PTPDC1: variants seen among roughly 807,000 people sequenced by gnomAD.
The protein encoded by PTPDC1 is protein tyrosine phosphatase domain containing 1.
Under a neutral mutation model 75.3 loss-of-function variants are expected in PTPDC1, and 53 were observed. The observed-to-expected ratio is 0.70, with a 90% CI of 0.56 to 0.88. The LOEUF (loss-of-function observed/expected upper bound fraction) is 0.88. Ranked by LOEUF, PTPDC1 falls within the 40% of genes least tolerant of loss-of-function variation. PTPDC1 has a pLI of 0.00. For synonymous variants in PTPDC1, 349 were observed against 366.2 expected, an observed-to-expected ratio of 0.95 and a Z score of 0.54; for missense variants, 925 against 998.6, an observed-to-expected ratio of 0.93 and a Z score of 0.99.
At chr9:94,056,320 A>AT (rs934488727) in intron 1 of PTPDC1, among the ~76,000 whole-genome samples, 7 of 151,690 alleles carry the variant, frequency 4.6e-5, no homozygotes, top group African/African-American at 1.7e-4. Flanking sequence ...TTCCACTCCT[A>AT]TTTTTTGCTA....
intron 2 of PTPDC1, among the ~76,000 whole-genome samples, chr9:94,075,993 T>TTTTG (rs199885554): frequency 2.6e-5 from 4 of 151,868 alleles, no homozygotes; most frequent in East Asian, 1.9e-4. Context: ...TGTGTGTGTG[T>TTTTG]TTTGTTTGTT....
intron 2 of PTPDC1, among the ~76,000 whole-genome samples, chr9:94,067,829 T>G (rs1182652186): frequency 1.3e-5 from 2 of 152,182 alleles, no homozygotes; most frequent in African/African-American, 4.8e-5. Context: ...CTCAAACTCC[T>G]GGCCTCAGGT....
chr9:94,081,071 C>A (rs1826867882), upstream of PTPDC1, among the ~76,000 whole-genome samples: 1 of 143,000 alleles, frequency 7.0e-6, no homozygotes, highest in African/African-American at 2.6e-5. Context: ...CTCACTGCAA[C>A]CTCTGCCTTC....
chr9:94,104,350 G>A lies in PTPDC1; in HGVS notation c.2275G>A (p.Ala759Thr). The A allele has an allele frequency of 6.2e-7, 1 of 1,613,830 alleles. No individual in the cohort carries two copies. ...LQTIPVDVEEAFLAHAIKAFT... is the reference protein window; with the variant it reads ...LQTIPVDVEETFLAHAIKAFT... ...GACAATTCCCGTGGATGTGGAGGAA[G>A]CTTTCCTTGCCCATGCCATTAAGGC... Residue 759 changes from alanine to threonine, a missense_variant, in exon 8 of 9, where the codon GCT (alanine) becomes ACT (threonine). Ala to Thr is a moderately conservative substitution (Grantham distance 58, BLOSUM62 0). Transcript: ENST00000620992.
chr9:94,089,080 T>A (rs1351467595), intron 4 of PTPDC1, among the ~76,000 whole-genome samples: 2 of 149,666 alleles, frequency 1.3e-5, no homozygotes, highest in Admixed American at 6.7e-5. Context: ...TATTTTTTTT[T>A]AATTTTTTTT....
In PTPDC1 at chr9:94,104,379, C is replaced by T. The variant is rs752517965; in HGVS notation, c.2304C>T (p.Phe768=). The T allele has an allele frequency of 3.7e-6, 6 of 1,606,484 alleles. No individual in the cohort carries two copies. The East Asian group carries it at 1.1e-4, about 30-fold the overall frequency. ...EAFLAHAIKA[F]TKVNFDSENG... ...TCCTTGCCCATGCCATTAAGGCATT[C>T]ACTAAGGTGGGTCATACTCTTCCTT... is the stretch of plus-strand genomic sequence containing the variant. The change falls in exon 8 of 9, where the codon TTC becomes TTT. Residue 768 remains phenylalanine, a synonymous_variant. Coordinates refer to ENST00000620992, the MANE Select transcript of PTPDC1 (RefSeq NM_001253829.2).
chr9:94,058,075 G>T (rs924747055), intron 1 of PTPDC1, among the ~76,000 whole-genome samples: 1 of 152,196 alleles, frequency 6.6e-6, no homozygotes, highest in Non-Finnish European at 1.5e-5. Context: ...CTCCCTGGGG[G>T]CAGTTTCCAG....
At chr9:94,049,534 T>A (rs1825721211) in intron 1 of PTPDC1, among the ~76,000 whole-genome samples, 1 of 152,236 alleles carries the variant, frequency 6.6e-6, no homozygotes, top group East Asian at 1.9e-4. Context: ...AAATGTTGAA[T>A]ATCGGCCCCC....
At chr9:94,044,408 C>G (rs1429482374) in intron 1 of PTPDC1, among the ~76,000 whole-genome samples, 1 of 152,148 alleles carries the variant, frequency 6.6e-6, no homozygotes, top group Non-Finnish European at 1.5e-5. Flanking sequence ...ACCCATCACC[C>G]AGGTATTAAG....
intron 8 of PTPDC1, among the ~76,000 whole-genome samples, chr9:94,106,981 T>G (rs550938009): frequency 6.6e-6 from 1 of 151,956 alleles, no homozygotes; most frequent in South Asian, 2.1e-4. Context: ...TGAGACAAGG[T>G]CTCACTCTGT....
chr9:94,079,213 T>C (rs1043599521), intron 2 of PTPDC1, among the ~76,000 whole-genome samples: 1 of 152,208 alleles, frequency 6.6e-6, no homozygotes, highest in African/African-American at 2.4e-5. Flanking sequence ...TTTTTCTTCA[T>C]AGTTTGAAGC....
chr9:94,109,249 G>T lies in PTPDC1; in HGVS notation c.*1305G>T, dbSNP rs1045266325. ...GATAATAGTTCTTCCCAATAAAGGT[G>T]ATATTAATCAGACTAATTTCGAACT... On this transcript the variant is annotated 3_prime_UTR_variant, in exon 9 of 9. Transcript: ENST00000620992. The T allele has an allele frequency of 6.6e-6, 1 of 152,150 alleles. No homozygotes were observed. Among genetic ancestry groups the T allele is most frequent in the African/African-American group, 2.4e-5 (1 of 41,424 alleles). The allele number at this position is 152,150 out of a possible 1,614,324, so 9.4% of individuals were successfully genotyped here.
intron 2 of PTPDC1, among the ~76,000 whole-genome samples, chr9:94,065,126 G>T (rs1288641456): frequency 6.6e-6 from 1 of 152,218 alleles, no homozygotes; most frequent in Non-Finnish European, 1.5e-5. Flanking sequence ...CTTTAATTTT[G>T]TTCTCCTTTC....
intron 1 of PTPDC1, among the ~76,000 whole-genome samples, chr9:94,049,343 A>T (rs1825714674): frequency 6.6e-6 from 1 of 152,154 alleles, no homozygotes; most frequent in African/African-American, 2.4e-5. Flanking sequence ...TTTTTGCAGC[A>T]GCTGGTACCG....
intron 2 of PTPDC1, among the ~76,000 whole-genome samples, chr9:94,078,910 G>A (rs1262768665): frequency 6.6e-6 from 1 of 152,076 alleles, no homozygotes; most frequent in Admixed American, 6.5e-5. Flanking sequence ...CTTTAAACAT[G>A]GGTTCCTTTA....
intron 1 of PTPDC1, among the ~76,000 whole-genome samples, chr9:94,052,833 C>G (rs1825827770): frequency 1.3e-5 from 2 of 152,048 alleles, no homozygotes; most frequent in Non-Finnish European, 2.9e-5. Context: ...TGATGGGTAT[C>G]AATTAGGAAT....
intron 1 of PTPDC1, among the ~76,000 whole-genome samples, chr9:94,047,859 C>G (rs2118438449): frequency 6.6e-6 from 1 of 152,290 alleles, no homozygotes; most frequent in South Asian, 2.1e-4. Flanking sequence ...CCTCCCAAGA[C>G]TAAACCAGGA....
At chr9:94,043,544 TC>T (rs1181231489) in intron 1 of PTPDC1, among the ~76,000 whole-genome samples, 5 of 151,750 alleles carry the variant, frequency 3.3e-5, no homozygotes, top group East Asian at 1.9e-4. Flanking sequence ...TGAAAATGAC[TC>T]CCCCCCTCTA....
chr9:94,054,047 T>G (rs1458610924), intron 1 of PTPDC1, among the ~76,000 whole-genome samples: 1 of 152,180 alleles, frequency 6.6e-6, no homozygotes, highest in Admixed American at 6.5e-5. Flanking sequence ...ATGTGCCAGG[T>G]CCTGTTCTAG....
Sources: allele counts gnomAD v4.1 joint callset (sites outside exome capture counted in the v4.1 genomes callset), GRCh38; gene constraint gnomAD v4.1.1; transcripts MANE v1.5; gene names NCBI Gene and HGNC (gene_info 2026-07-23, HGNC 2026-07-21).